The following DNAJC6 variants were observed in gnomAD, a reference collection of about 807,000 sequenced individuals.
DNAJC6 encodes the protein DnaJ heat shock protein family (Hsp40) member C6, also known as auxilin.
Under a neutral mutation model 110.0 loss-of-function variants are expected in DNAJC6, and 34 were observed. The observed-to-expected ratio is 0.31, with a 90% confidence interval of 0.24 to 0.41. DNAJC6 has a LOEUF of 0.41. Ranked by LOEUF, DNAJC6 falls within the 10% of genes least tolerant of loss-of-function variation. The pLI, the probability that DNAJC6 is intolerant of heterozygous loss-of-function variation, is 1.00. For synonymous variants in DNAJC6, 406 were observed against 437.2 expected, an observed-to-expected ratio of 0.93 and a Z score of 0.89; for missense variants, 1,031 against 1,207.8, an observed-to-expected ratio of 0.85 and a Z score of 2.17.
intron 11 of DNAJC6, among the ~76,000 whole-genome samples, chr1:65,391,068 A>G (rs1203960190): frequency 6.6e-6 from 1 of 152,152 alleles, no homozygotes; most frequent in Admixed American, 6.6e-5. Context: ...AACTTTTTGG[A>G]TTTTAGAAGG....
intron 5 of DNAJC6, 162 bp downstream of exon 5, chr1:65,379,686 A>C: frequency 2.8e-6 from 3 of 1,072,140 alleles, no homozygotes; most frequent in Non-Finnish European, 4.0e-6. Context: ...AAAGGGATTT[A>C]TTATTCTTGA....
intron 1 of DNAJC6, among the ~76,000 whole-genome samples, chr1:65,316,129 C>T (rs1645146689): frequency 6.6e-6 from 1 of 152,152 alleles, no homozygotes; most frequent in Admixed American, 6.5e-5. Context: ...ATCCCCACTG[C>T]TCTTAGGATA....
intron 1 of DNAJC6, among the ~76,000 whole-genome samples, chr1:65,311,213 C>CTTTTTTTT (rs1278871536): frequency 2.9e-5 from 2 of 69,746 alleles, no homozygotes; most frequent in Admixed American, 1.7e-4. Flanking sequence ...GGTTTCAGGA[C>CTTTTTTTT]TGTTTTTTTT....
intron 1 of DNAJC6, among the ~76,000 whole-genome samples, chr1:65,348,752 A>C (rs1645460415): frequency 6.6e-6 from 1 of 150,814 alleles, no homozygotes; most frequent in South Asian, 2.1e-4. Context: ...GCCTATTTAG[A>C]TTTATTATAA....
At chr1:65,303,519 T>C (rs1397928178) in intron 1 of DNAJC6, among the ~76,000 whole-genome samples, 1 of 152,052 alleles carries the variant, frequency 6.6e-6, no homozygotes, top group Non-Finnish European at 1.5e-5. Context: ...TTTAGGGCTT[T>C]AGTGTTTATT....
At chr1:65,320,144 G>T (rs917070624) in intron 1 of DNAJC6, among the ~76,000 whole-genome samples, 1 of 152,240 alleles carries the variant, frequency 6.6e-6, no homozygotes, top group African/African-American at 2.4e-5. Context: ...AATCAGCAAA[G>T]TGTTTCTTCC....
At chr1:65,294,383 T>C (rs779607194) in intron 1 of DNAJC6, among the ~76,000 whole-genome samples, 2 of 152,214 alleles carry the variant, frequency 1.3e-5, no homozygotes, top group Non-Finnish European at 2.9e-5. Context: ...GATCCTGGGC[T>C]TGGGACTGAT....
chr1:65,380,472 A>C (rs1008518826), intron 5 of DNAJC6, among the ~76,000 whole-genome samples: 1 of 152,214 alleles, frequency 6.6e-6, no homozygotes, highest in African/African-American at 2.4e-5. Flanking sequence ...TTTACTTCAC[A>C]TCTCCAAACT....
intron 1 of DNAJC6, among the ~76,000 whole-genome samples, chr1:65,355,352 C>T (rs1319679634): frequency 6.6e-6 from 1 of 151,736 alleles, no homozygotes; most frequent in East Asian, 1.9e-4. Flanking sequence ...TGTGCTATTG[C>T]CTTGTAAGAG....
rs1553142754 is a variant in DNAJC6, at chr1:65,356,581, T to TAAATA, written c.194-8031_194-8027dup. On this transcript the variant is annotated intron_variant, in intron 1 of 18. Coordinates refer to ENST00000371069, the MANE Select transcript of DNAJC6 (RefSeq NM_001256864.2). Reference sequence around the variant, plus strand: ...TCTGTCTCAAAAATAAATAAATAAATAAATAAAATAAAATAAAATAAAATA... The same window carrying TAAATA: ...TCTGTCTCAAAAATAAATAAATAAATAAATAAAATAAAATAAAATAAAATAAAATA... Among the ~76,000 whole-genome samples, 10 of 147,598 alleles carry TAAATA rather than the reference T, an allele frequency of 6.8e-5. No homozygotes were observed. In the South Asian group the frequency reaches 1.3e-3, roughly 19 times the overall value.
At chr1:65,377,227 G>A (rs1325916768) in intron 4 of DNAJC6, among the ~76,000 whole-genome samples, 1 of 152,218 alleles carries the variant, frequency 6.6e-6, no homozygotes, top group Admixed American at 6.5e-5. Flanking sequence ...GGTTTTAAAA[G>A]ATGAATTGGA....
chr1:65,264,821 A>C (rs1653261030), exon 1 of DNAJC6: 1 of 1,576,198 alleles, frequency 6.3e-7, no homozygotes, highest in African/African-American at 1.4e-5. Flanking sequence ...CGCCCCCGAG[A>C]CCGCTGACTG....
At chr1:65,353,348 G>A (rs528912454) in intron 1 of DNAJC6, among the ~76,000 whole-genome samples, 1 of 152,280 alleles carries the variant, frequency 6.6e-6, no homozygotes, top group Admixed American at 6.5e-5. Context: ...ACATGTTGAA[G>A]AGTAAAGATT....
chr1:65,368,717 CTCTTCT>C (rs1281835843), intron 4 of DNAJC6, among the ~76,000 whole-genome samples: 2 of 28,696 alleles, frequency 7.0e-5, no homozygotes, highest in South Asian at 3.8e-3. Context: ...CTTCTTCTTC[CTCTTCT>C]TCTTCTTCTT....
intron 1 of DNAJC6, among the ~76,000 whole-genome samples, chr1:65,332,293 G>T (rs372125986): frequency 6.6e-6 from 1 of 152,134 alleles, no homozygotes; most frequent in African/African-American, 2.4e-5. Flanking sequence ...TGGAAACCTT[G>T]ATATTTAAGA....
upstream of DNAJC6, among the ~76,000 whole-genome samples, chr1:65,309,011 C>T (rs756060043): frequency 3.3e-5 from 5 of 152,172 alleles, no homozygotes; most frequent in Non-Finnish European, 7.3e-5. Context: ...TGGCACTTAA[C>T]ATGCATTCTT....
In DNAJC6 at chr1:65,392,533, A is replaced by T. The variant is rs755097900; in HGVS notation, c.1571A>T (p.His524Leu). ...DDELLTLSSP[H>L]GNANGDKPHG... ...GAACTTCTGACACTTTCCAGTCCGC[A>T]TGGCAATGCCAATGGTGACAAGCCT... is the stretch of plus-strand genomic sequence containing the variant. The change falls in exon 12 of 19, where the codon CAT (histidine) becomes CTT (leucine). Residue 524 changes from histidine to leucine, a missense_variant. Coordinates refer to ENST00000371069, the MANE Select transcript of DNAJC6 (RefSeq NM_001256864.2). 3.1e-6 allele frequency: 5 copies of T among 1,614,104 alleles called. No individual in the cohort carries two copies. The highest frequency in any genetic ancestry group is 4.2e-6 in the Non-Finnish European group (5 of 1,180,008).
chr1:65,410,051 G>A (rs1271205448), intron 17 of DNAJC6, among the ~76,000 whole-genome samples: 1 of 152,192 alleles, frequency 6.6e-6, no homozygotes, highest in Non-Finnish European at 1.5e-5. Context: ...GTCTGGAAGA[G>A]TTTGTAAAGA....
rs1401871454 is a variant in DNAJC6, at chr1:65,365,937, A to G, written c.394+3A>G. 1.9e-6 allele frequency: 3 copies of G among 1,613,464 alleles called. No individual in the cohort carries two copies. The highest frequency in any genetic ancestry group is 1.7e-5 in the Admixed American group (1 of 59,930). ...TTATGTTACCTCCAGAATTATTGGTAAGTTTCTCATGTTTATTAACAGTCC... is the reference window on the plus strand; with the variant it reads ...TTATGTTACCTCCAGAATTATTGGTGAGTTTCTCATGTTTATTAACAGTCC... On this transcript the variant is annotated splice_donor_region_variant and intron_variant, in intron 3 of 18. Coordinates refer to ENST00000371069, the MANE Select transcript of DNAJC6 (RefSeq NM_001256864.2).
Sources: gnomAD v4.1 joint callset for allele counts (sites outside exome capture counted in the v4.1 genomes callset) on GRCh38, gnomAD v4.1.1 for gene constraint, MANE v1.5 for transcripts, NCBI Gene and HGNC (gene_info 2026-07-23, HGNC 2026-07-21) for gene names.